ZKSCAN3: variants seen among roughly 807,000 people sequenced by gnomAD.
ZKSCAN3 encodes the protein zinc finger with KRAB and SCAN domains 3.
Under a neutral mutation model 30.7 loss-of-function variants are expected in ZKSCAN3, and 21 were observed. The ratio of observed to expected loss-of-function variants is 0.68; its 90% CI spans 0.49 to 0.99. ZKSCAN3 has a LOEUF of 0.99. Ranked by LOEUF, ZKSCAN3 falls within the 50% of genes least tolerant of loss-of-function variation. The pLI is 0.00. For missense variants in ZKSCAN3, 507 were observed against 647.1 expected, an observed-to-expected ratio of 0.78 and a Z score of 2.35; for synonymous variants, 201 against 246.7, an observed-to-expected ratio of 0.81 and a Z score of 1.73.
Position 28,366,188 on chromosome 6 carries a change from C to T in ZKSCAN3, c.1520C>T (p.Pro507Leu). Residue 507 changes from proline to leucine, a missense_variant, in exon 6 of 6, where the codon CCC becomes CTC. Pro to Leu is a moderately conservative substitution (Grantham distance 98). Transcript: ENST00000252211. ...EHQKIHTGEK[P>L]YQCNACGKGF... is the part of the protein sequence containing the mutation. ...CAAAAAATCCACACTGGTGAGAAAC[C>T]CTATCAGTGTAATGCGTGTGGAAAA... is the stretch of plus-strand genomic sequence containing the variant. The T allele has an allele frequency of 1.2e-6, 2 of 1,607,440 alleles. No homozygotes were observed. The highest frequency in any genetic ancestry group is 1.7e-6 in the Non-Finnish European group (2 of 1,177,704).
intron 3 of ZKSCAN3, among the ~76,000 whole-genome samples, chr6:28,361,961 C>T (rs895767873): frequency 5.9e-5 from 9 of 152,126 alleles, no homozygotes; most frequent in African/African-American, 1.9e-4. Context: ...CCACGCCTGG[C>T]TAGGTTTTAA....
At chr6:28,350,661 T>G (rs1046650927) in intron 1 of ZKSCAN3, among the ~76,000 whole-genome samples, 8 of 152,238 alleles carry the variant, frequency 5.3e-5, no homozygotes, top group African/African-American at 1.9e-4. Context: ...GTGGTACTAT[T>G]ATTATTTATA....
intron 4 of ZKSCAN3, 43 bp downstream of exon 4, chr6:28,363,428 A>G (rs1185954632): frequency 2.5e-6 from 4 of 1,579,126 alleles, no homozygotes; most frequent in African/African-American, 1.4e-5. Flanking sequence ...CCTCACTACT[A>G]TTGAGCTTCC....
At chr6:28,363,535 T>G in intron 4 of ZKSCAN3, 150 bp downstream of exon 4, 1 of 1,295,082 alleles carries the variant, frequency 7.7e-7, no homozygotes, top group Non-Finnish European at 1.1e-6. Flanking sequence ...TATCTCGAGG[T>G]TGTTTATCAT....
chr6:28,363,923 A>C, intron 5 of ZKSCAN3, 108 bp downstream of exon 5: 1 of 1,420,334 alleles, frequency 7.0e-7, no homozygotes, highest in Non-Finnish European at 9.5e-7. Flanking sequence ...TTGGATTCAC[A>C]ATCACCATTT....
chr6:28,365,593 A>G lies in ZKSCAN3; in HGVS notation c.925A>G (p.Thr309Ala), dbSNP rs771682676. Residue 309 changes from threonine (T) to alanine (A), a missense_variant, in exon 6 of 6, where the codon ACA (threonine) becomes GCA (alanine). Physicochemically the swap from Thr to Ala is moderately conservative, Grantham distance 58. Coordinates refer to ENST00000252211, the MANE Select transcript of ZKSCAN3 (RefSeq NM_024493.4). Reference sequence around the variant, plus strand: ...GCTACAAAGAAAGCAGAAAAATGCCACAGGAGGGAGGCGGCACATCTGCCA... The same window carrying G: ...GCTACAAAGAAAGCAGAAAAATGCCGCAGGAGGGAGGCGGCACATCTGCCA... ...GRLQRKQKNA[T>A]GGRRHICHEC... 6.2e-7 allele frequency: 1 copy of G among 1,614,252 alleles called. No homozygotes were observed. The highest frequency in any genetic ancestry group is 8.5e-7 in the Non-Finnish European group (1 of 1,180,050).
Position 28,363,359 on chromosome 6 carries a change from G to C in ZKSCAN3, c.607G>C (p.Ala203Pro), listed in dbSNP as rs753015829. The C allele has an allele frequency of 6.8e-6, 11 of 1,613,998 alleles. No homozygotes were observed. Among genetic ancestry groups the C allele is most frequent in the Non-Finnish European group, 9.3e-6 (11 of 1,179,936 alleles). The change falls in exon 4 of 6, where the codon GCT becomes CCT. Residue 203 changes from alanine to proline, a missense_variant. Physicochemically the swap from Ala to Pro is conservative, Grantham distance 27 (BLOSUM62 -1). Coordinates refer to ENST00000252211, the MANE Select transcript of ZKSCAN3 (RefSeq NM_024493.4). ...GGCCREDKVV[A>P]SRLTPESQGL... The stretch of plus-strand genomic sequence containing the variant: ...ATGCTGCAGAGAAGATAAAGTGGTA[G>C]CTTCTAGGCTTACTCCAGAGTCCCA...
chr6:28,354,309 C>T (rs555102329), intron 1 of ZKSCAN3: 32 of 218,284 alleles, frequency 1.5e-4, no homozygotes, highest in Admixed American at 5.5e-4. Flanking sequence ...TGGAGTGGTG[C>T]GCCTGCGTTC....
chr6:28,352,132 A>G (rs1258007370), intron 1 of ZKSCAN3, among the ~76,000 whole-genome samples: 1 of 152,064 alleles, frequency 6.6e-6, no homozygotes, highest in African/African-American at 2.4e-5. Context: ...AATGCCATTT[A>G]TTTGTTGAGG....
At chr6:28,362,081 G>A (rs1765792331) in intron 3 of ZKSCAN3, among the ~76,000 whole-genome samples, 1 of 152,196 alleles carries the variant, frequency 6.6e-6, no homozygotes, top group African/African-American at 2.4e-5. Context: ...GATTATAGGT[G>A]TAAGCTACCA....
chr6:28,355,143 C>T (rs1408661981), intron 1 of ZKSCAN3, among the ~76,000 whole-genome samples: 2 of 152,174 alleles, frequency 1.3e-5, no homozygotes, highest in Non-Finnish European at 2.9e-5. Flanking sequence ...AGGGGTGCCT[C>T]AGGTCCCATA....
At position 28,357,167 on chromosome 6, in the gene ZKSCAN3, G is replaced by A. The variant is rs141503563; in HGVS notation, c.-62-2358G>A. Among the ~76,000 whole-genome samples, 630 of 152,298 alleles carry A rather than the reference G, an allele frequency of 4.1e-3. 1 individual carries two copies. The highest frequency in any genetic ancestry group is 0.014 in the African/African-American group (584 of 41,568). On this transcript the variant is annotated intron_variant, in intron 1 of 5. Transcript: ENST00000252211. Reference sequence around the variant, plus strand: ...TTATATAATGCACGGAATTGTGTGCGTGCGCTCCAATCCTGCTGAGTCATG... The same window carrying A: ...TTATATAATGCACGGAATTGTGTGCATGCGCTCCAATCCTGCTGAGTCATG...
At position 28,365,485 on chromosome 6, in the gene ZKSCAN3, G is replaced by A. The variant is rs530861047; in HGVS notation, c.817G>A (p.Glu273Lys). The A allele has an allele frequency of 1.4e-5, 23 of 1,614,160 alleles. 2 individuals are homozygous for A. In the South Asian group the frequency reaches 2.5e-4, roughly 18 times the overall value. ...LPPAEELPEK[E>K]HGKISCHLRE... ...TCCAGCTGAGGAGCTTCCAGAAAAG[G>A]AGCATGGGAAGATATCGTGCCACCT... is the stretch of plus-strand genomic sequence containing the variant. Residue 273 changes from glutamate to lysine, a missense_variant, in exon 6 of 6, where the codon GAG becomes AAG. Physicochemically the swap from Glu to Lys is moderately conservative, Grantham distance 56 (BLOSUM62 1). Transcript: ENST00000252211.
intron 2 of ZKSCAN3, chr6:28,360,481 G>C: frequency 1.4e-5 from 10 of 728,914 alleles, no homozygotes; most frequent in Non-Finnish European, 1.7e-5. Context: ...TTAAAAATAA[G>C]ATTAGCTTTT....
chr6:28,360,060 G>C (rs1045144693), intron 2 of ZKSCAN3, 72 bp downstream of exon 2: 1 of 1,611,728 alleles, frequency 6.2e-7, no homozygotes, highest in Non-Finnish European at 8.5e-7. Context: ...AGAGTGAGGG[G>C]CATTCCTTTA....
chr6:28,359,200 A>G lies in ZKSCAN3; in HGVS notation c.-62-325A>G, dbSNP rs531540570. Reference sequence around the variant, plus strand: ...GTCATCTTAGAATTTAGACAACCACAGACCTGGTTGGTAATGGGATAACTC... The same window carrying G: ...GTCATCTTAGAATTTAGACAACCACGGACCTGGTTGGTAATGGGATAACTC... On this transcript the variant is annotated intron_variant, in intron 1 of 5. Coordinates refer to ENST00000252211, the MANE Select transcript of ZKSCAN3 (RefSeq NM_024493.4). 1.3e-4 allele frequency among the ~76,000 whole-genome samples: 20 copies of G among 152,310 alleles called. 1 individual carries two copies. The South Asian group carries it at 3.9e-3, about 30-fold the overall frequency.
Position 28,365,651 on chromosome 6 carries a change from G to A in ZKSCAN3, c.983G>A (p.Gly328Asp). The A allele has an allele frequency of 7.4e-6, 12 of 1,614,272 alleles. No individual in the cohort carries two copies. The highest frequency in any genetic ancestry group is 1.0e-5 in the Non-Finnish European group (12 of 1,180,048). ...GGAAAGAGTTTTGCTCAAAGCTCAG[G>A]CCTGAGTAAACACAGGAGAATCCAC... The part of the protein sequence containing the change: ...ECGKSFAQSS[G>D]LSKHRRIHTG... Residue 328 changes from glycine to aspartate, a missense_variant, in exon 6 of 6, where the codon GGC (glycine) becomes GAC (aspartate). Transcript: ENST00000252211.
rs55844189 is a variant in ZKSCAN3 at position 28,367,722 on chromosome 6, AT to A, written c.*1454del. 651 of 143,192 alleles carry A rather than the reference AT, an allele frequency of 4.5e-3. 1 individual carries two copies. Among genetic ancestry groups the A allele is most frequent in the Middle Eastern group, 0.011 (3 of 272 alleles). The allele number at this position is 143,192 out of a possible 1,614,324, so 8.9% of individuals were successfully genotyped here. On this transcript the variant is annotated 3_prime_UTR_variant, in exon 6 of 6. Transcript: ENST00000252211. ...CTCCAGCTCAATGGATTCACACCAA[AT>A]TTTTTTTTTTTTTTTTAGACGGAGT...
At chr6:28,352,546 G>A (rs1045353483) in intron 1 of ZKSCAN3, among the ~76,000 whole-genome samples, 18 of 151,928 alleles carry the variant, frequency 1.2e-4, no homozygotes, top group Admixed American at 5.3e-4. Flanking sequence ...ACTGCACCCA[G>A]GCTGATTGAT....
Sources: allele counts gnomAD v4.1 joint callset (sites outside exome capture counted in the v4.1 genomes callset), GRCh38; gene constraint gnomAD v4.1.1; transcripts MANE v1.5; gene names NCBI Gene and HGNC (gene_info 2026-07-23, HGNC 2026-07-21).